LRRC28: variants seen among roughly 807,000 people sequenced by gnomAD.
The protein encoded by LRRC28 is leucine-rich repeat-containing protein 28.
In LRRC28, 39 loss-of-function variants were observed where a neutral mutation model predicts 45.7. That is an observed-to-expected ratio of 0.85 (90% CI 0.66 to 1.12). The LOEUF is 1.12. LRRC28 is among the 50% of genes most tolerant of loss of function. The pLI is 0.00. For missense variants in LRRC28, 435 were observed against 438.5 expected (o/e 0.99, Z 0.07); for synonymous variants, 206 against 178.8 (o/e 1.15, Z -1.22).
At chr15:99,275,148 G>T (rs904747099) in intron 2 of LRRC28, among the ~76,000 whole-genome samples, 5 of 152,354 alleles carry the variant, frequency 3.3e-5, no homozygotes, top group African/African-American at 9.6e-5. Context: ...ATATACTTGT[G>T]TGTGTGCGTA....
At chr15:99,335,526 G>GC (rs1367033376) in intron 6 of LRRC28, among the ~76,000 whole-genome samples, 1 of 152,140 alleles carries the variant, frequency 6.6e-6, no homozygotes. Flanking sequence ...GCATGGTGAT[G>GC]CATACCTGTA....
intron 5 of LRRC28, among the ~76,000 whole-genome samples, chr15:99,297,011 A>G (rs563524071): frequency 6.6e-6 from 1 of 152,098 alleles, no homozygotes; most frequent in East Asian, 1.9e-4. Flanking sequence ...TGAATAAATT[A>G]TCTGCCAGAT....
At chr15:99,345,529 A>G (rs1742901754) in intron 6 of LRRC28, among the ~76,000 whole-genome samples, 1 of 151,892 alleles carries the variant, frequency 6.6e-6, no homozygotes, top group East Asian at 1.9e-4. Flanking sequence ...TTTTTCTTCT[A>G]TTGAGTTGTA....
intron 6 of LRRC28, among the ~76,000 whole-genome samples, chr15:99,350,125 A>T (rs1447189055): frequency 6.8e-6 from 1 of 146,862 alleles, no homozygotes; most frequent in Non-Finnish European, 1.5e-5. Context: ...CCTGGGCGAC[A>T]GAGCGAGACT....
chr15:99,363,454 T>G (rs974182824), intron 9 of LRRC28, 189 bp downstream of exon 9: 8 of 586,678 alleles, frequency 1.4e-5, no homozygotes, highest in African/African-American at 1.1e-4. Context: ...CCTTTATTAA[T>G]TTTTTGGTCA....
chr15:99,311,635 G>A (rs1955415074), intron 5 of LRRC28, among the ~76,000 whole-genome samples: 1 of 152,142 alleles, frequency 6.6e-6, no homozygotes, highest in South Asian at 2.1e-4. Context: ...TCTTTTTGTG[G>A]TTGTTTGTAA....
In LRRC28 at chr15:99,289,862, A is replaced by G. The variant is rs1308215166; in HGVS notation, c.385+1911A>G. On this transcript the variant is annotated intron_variant, in intron 5 of 9. Transcript: ENST00000301981. Reference sequence around the variant, plus strand: ...GCAGGAGAATGGCGTGAACCCGGGAAGCGGAGCTTGCAGTGAGCCGAGATT... The same window carrying G: ...GCAGGAGAATGGCGTGAACCCGGGAGGCGGAGCTTGCAGTGAGCCGAGATT... Among the ~76,000 whole-genome samples, 26 of 139,920 alleles carry G rather than the reference A, an allele frequency of 1.9e-4. No homozygotes were observed. In the East Asian group the frequency reaches 2.0e-3, roughly 11 times the overall value. 91.8% of individuals were successfully genotyped at this position (139,920 alleles called of 152,430 possible). A position where few individuals can be genotyped will look rare whatever the true frequency, so the allele number is the denominator to read the frequency against.
At chr15:99,356,785 T>G (rs1426778354) in intron 7 of LRRC28, among the ~76,000 whole-genome samples, 1 of 152,130 alleles carries the variant, frequency 6.6e-6, no homozygotes, top group Non-Finnish European at 1.5e-5. Context: ...AAAAGAAAAT[T>G]TTGAAAGCAA....
chr15:99,283,132 A>T (rs1235023800), intron 3 of LRRC28, among the ~76,000 whole-genome samples: 1 of 152,018 alleles, frequency 6.6e-6, no homozygotes, highest in Non-Finnish European at 1.5e-5. Flanking sequence ...ACCTAAGGTG[A>T]TCCACCCACT....
intron 5 of LRRC28, among the ~76,000 whole-genome samples, chr15:99,310,386 T>C (rs991993190): frequency 3.9e-5 from 6 of 152,230 alleles, no homozygotes; most frequent in African/African-American, 1.2e-4. Context: ...GCAAAATCAT[T>C]AATAGCTTCC....
intron 5 of LRRC28, among the ~76,000 whole-genome samples, chr15:99,327,300 C>T (rs1162962215): frequency 1.3e-5 from 2 of 152,190 alleles, no homozygotes; most frequent in African/African-American, 4.8e-5. Flanking sequence ...GTCTCAATCA[C>T]CTGACCTCAA....
At chr15:99,326,607 T>G (rs1178436998) in intron 5 of LRRC28, 2 of 152,254 alleles carry the variant, frequency 1.3e-5, no homozygotes, top group Non-Finnish European at 2.9e-5. Context: ...GTATTTAATT[T>G]AATTTCTGTT....
chr15:99,312,177 G>A (rs1183354188), intron 5 of LRRC28, among the ~76,000 whole-genome samples: 2 of 152,180 alleles, frequency 1.3e-5, no homozygotes, highest in African/African-American at 4.8e-5. Context: ...ACATCATAGA[G>A]TACACTTACA....
At chr15:99,256,946 C>T (rs975824096) in intron 2 of LRRC28, among the ~76,000 whole-genome samples, 3 of 152,196 alleles carry the variant, frequency 2.0e-5, no homozygotes, top group Admixed American at 2.0e-4. Context: ...AGTGCTTACT[C>T]ATTTTAGATG....
intron 3 of LRRC28, chr15:99,285,579 C>A: frequency 1.3e-6 from 1 of 754,696 alleles, no homozygotes; most frequent in Non-Finnish European, 2.3e-6. Context: ...TTAGACTTGA[C>A]GGCAGGGGGA....
chr15:99,363,931 A>G (rs1046081472), intron 9 of LRRC28, among the ~76,000 whole-genome samples: 1 of 152,212 alleles, frequency 6.6e-6, no homozygotes, highest in African/African-American at 2.4e-5. Flanking sequence ...ACTTTTTCTA[A>G]GTTTGAATTT....
intron 6 of LRRC28, among the ~76,000 whole-genome samples, chr15:99,342,410 C>T (rs1261418335): frequency 6.6e-6 from 1 of 152,194 alleles, no homozygotes; most frequent in Non-Finnish European, 1.5e-5. Context: ...TCAATCCCAG[C>T]TCTACCACTT....
At chr15:99,285,392 G>T in intron 3 of LRRC28, 1 of 744,822 alleles carries the variant, frequency 1.3e-6, no homozygotes, top group Non-Finnish European at 2.5e-6. Flanking sequence ...CTCCGCAGTG[G>T]TATAGTGACA....
rs1048967104 is a variant in LRRC28, at chr15:99,389,726, T to C, written c.*3624T>C. The C allele has an allele frequency of 7.2e-5, 11 of 152,180 alleles. No individual in the cohort carries two copies. The highest frequency in any genetic ancestry group is 2.7e-4 in the African/African-American group (11 of 41,440). The allele number at this position is 152,180 out of a possible 1,614,324, so 9.4% of individuals were successfully genotyped here. Reference sequence around the variant, plus strand: ...CACTCCTGCTTGCTTCTATTGAGGTTCTCCTACATTTCCCAGAAACTCAGT... The same window carrying C: ...CACTCCTGCTTGCTTCTATTGAGGTCCTCCTACATTTCCCAGAAACTCAGT... On this transcript the variant is annotated 3_prime_UTR_variant, in exon 10 of 10. Transcript: ENST00000301981.
Sources: allele counts gnomAD v4.1 joint callset (sites outside exome capture counted in the v4.1 genomes callset), GRCh38; gene constraint gnomAD v4.1.1; transcripts MANE v1.5; gene names NCBI Gene and HGNC (gene_info 2026-07-23, HGNC 2026-07-21).